The following LRRC7 variants were observed in gnomAD, a reference collection of about 807,000 sequenced individuals.
LRRC7 encodes leucine-rich repeat-containing protein 7.
A neutral mutation model predicts 175.7 loss-of-function variants in LRRC7; 23 were observed. The ratio of observed to expected loss-of-function variants is 0.13; its 90% CI spans 0.09 to 0.19. LRRC7 has a LOEUF of 0.19. Ranked by LOEUF, LRRC7 falls within the 10% of genes least tolerant of loss-of-function variation. The pLI is 1.00. For synonymous variants in LRRC7, 685 were observed against 680.9 expected (o/e 1.01, Z -0.09); for missense variants, 1,354 against 1,904.7 (o/e 0.71, Z 5.38).
chr1:69,595,139 AG>A (rs1342429474), intron 1 of LRRC7, among the ~76,000 whole-genome samples: 2 of 152,156 alleles, frequency 1.3e-5, no homozygotes, highest in Non-Finnish European at 2.9e-5. Context: ...CTTCAAATGA[AG>A]AAACTAAGAC....
At chr1:69,616,559 T>A (rs946610751) in intron 1 of LRRC7, among the ~76,000 whole-genome samples, 2 of 152,074 alleles carry the variant, frequency 1.3e-5, no homozygotes, top group Admixed American at 6.6e-5. Context: ...AAATGTTTCT[T>A]TCCAATGGCT....
intron 4 of LRRC7, among the ~76,000 whole-genome samples, chr1:69,823,541 GA>G (rs71736470): frequency 1.3e-5 from 2 of 151,840 alleles, no homozygotes; most frequent in African/African-American, 2.4e-5. Context: ...GTGTGTGTGG[GA>G]AAAAAAGTGT....
chr1:69,809,870 A>T (rs1180285546), intron 4 of LRRC7, among the ~76,000 whole-genome samples: 1 of 152,112 alleles, frequency 6.6e-6, no homozygotes, highest in Non-Finnish European at 1.5e-5. Flanking sequence ...ACAAGACAAG[A>T]ATGCCCTCTC....
chr1:69,985,679 T>C (rs1260606968), intron 9 of LRRC7, among the ~76,000 whole-genome samples: 1 of 152,220 alleles, frequency 6.6e-6, no homozygotes. Context: ...CTCAACTTTC[T>C]ATCTCTATGG....
chr1:69,823,896 A>G (rs1679594735), intron 4 of LRRC7, among the ~76,000 whole-genome samples: 1 of 152,166 alleles, frequency 6.6e-6, no homozygotes, highest in African/African-American at 2.4e-5. Context: ...GGGAGTTTAA[A>G]AGACTTGCCT....
intron 1 of LRRC7, among the ~76,000 whole-genome samples, chr1:69,606,239 T>C (rs1647543636): frequency 6.6e-6 from 1 of 152,124 alleles, no homozygotes; most frequent in African/African-American, 2.4e-5. Flanking sequence ...AGCATATCTT[T>C]AGAGCTGGTT....
At position 70,137,285 on chromosome 1, in the gene LRRC7, G is replaced by C. The variant is rs1205453092; in HGVS notation, c.*15398G>C. Among the ~76,000 whole-genome samples the C allele has an allele frequency of 6.6e-6, 1 of 152,150 alleles. No homozygotes were observed. Among genetic ancestry groups the C allele is most frequent in the Non-Finnish European group, 1.5e-5 (1 of 68,024 alleles). On this transcript the variant is annotated 3_prime_UTR_variant, in exon 27 of 27. Transcript: ENST00000651989. Reference sequence around the variant, plus strand: ...GGTCAAAGTCAGAGGGGGCTTGCTGGAATCAAGGGCAGCTCCTCCTTTCTG... The same window carrying C: ...GGTCAAAGTCAGAGGGGGCTTGCTGCAATCAAGGGCAGCTCCTCCTTTCTG...
intron 7 of LRRC7, chr1:69,919,424 A>G: frequency 9.1e-6 from 8 of 874,846 alleles, no homozygotes; most frequent in South Asian, 4.6e-5. Flanking sequence ...GGCCGAGGGT[A>G]CTACTTCAAC....
Position 70,043,997 on chromosome 1 carries a change from C to G in LRRC7, c.4013C>G (p.Pro1338Arg). 1 of 1,613,238 alleles carries G rather than the reference C, an allele frequency of 6.2e-7. No homozygotes were observed. Among genetic ancestry groups the G allele is most frequent in the African/African-American group, 1.3e-5 (1 of 74,998 alleles). The change falls in exon 22 of 27, where the codon CCC becomes CGC. Residue 1338 changes from proline (P) to arginine (R), a missense_variant. By Grantham distance (103) the Pro-to-Arg change is moderately radical. This residue lies in a region of LRRC7 where 1,032 missense variants were observed against 1,227.2 expected (regional missense o/e 0.84). Coordinates refer to ENST00000651989, the MANE Select transcript of LRRC7 (RefSeq NM_001370785.2). The part of the protein sequence containing the change: ...KHNTVNLGML[P>R]YGGISAMHAG... ...AATACAGTTAACCTTGGCATGCTGC[C>G]CTATGGAGGTATTTCAGCAATGCAT...
At chr1:70,098,158 C>A (rs1435805948) in intron 25 of LRRC7, among the ~76,000 whole-genome samples, 1 of 152,146 alleles carries the variant, frequency 6.6e-6, no homozygotes, top group Non-Finnish European at 1.5e-5. Flanking sequence ...GCCATTCTAC[C>A]TGGTGTGAGA....
chr1:69,812,033 G>C (rs1485260075), intron 4 of LRRC7, among the ~76,000 whole-genome samples: 1 of 152,050 alleles, frequency 6.6e-6, no homozygotes, highest in Non-Finnish European at 1.5e-5. Context: ...ACTCAAAAAA[G>C]CCAGAAAGTT....
intron 8 of LRRC7, among the ~76,000 whole-genome samples, chr1:69,977,053 T>TA (rs1473615905): frequency 6.6e-6 from 1 of 152,126 alleles, no homozygotes; most frequent in Non-Finnish European, 1.5e-5. Context: ...TCCACCCCAA[T>TA]ACTCTGCATC....
chr1:69,689,303 T>A (rs976668275), intron 2 of LRRC7, among the ~76,000 whole-genome samples: 1 of 152,186 alleles, frequency 6.6e-6, no homozygotes, highest in African/African-American at 2.4e-5. Flanking sequence ...CAACGTCACA[T>A]AGCTAGTAAG....
intron 4 of LRRC7, among the ~76,000 whole-genome samples, chr1:69,806,127 G>A (rs1011780910): frequency 3.3e-5 from 5 of 151,872 alleles, no homozygotes; most frequent in Non-Finnish European, 5.9e-5. Flanking sequence ...AAGAATGAAC[G>A]TTACCTTGTT....
chr1:69,700,808 T>C (rs2100694852), intron 2 of LRRC7, among the ~76,000 whole-genome samples: 1 of 152,220 alleles, frequency 6.6e-6, no homozygotes, highest in Admixed American at 6.5e-5. Context: ...AATTACTATG[T>C]CCCCATTTCA....
At chr1:70,064,234 C>A (rs1661795726) in intron 23 of LRRC7, among the ~76,000 whole-genome samples, 1 of 151,892 alleles carries the variant, frequency 6.6e-6, no homozygotes, top group Non-Finnish European at 1.5e-5. Flanking sequence ...AATGGGAGAA[C>A]ATAGATTTTG....
chr1:69,982,650 A>G (rs1234339836), intron 9 of LRRC7, among the ~76,000 whole-genome samples: 1 of 152,204 alleles, frequency 6.6e-6, no homozygotes, highest in African/African-American at 2.4e-5. Flanking sequence ...AGTCTTTTAC[A>G]TAGTTCTATC....
chr1:69,847,857 A>G (rs1431268454), intron 7 of LRRC7, among the ~76,000 whole-genome samples: 1 of 152,154 alleles, frequency 6.6e-6, no homozygotes, highest in Non-Finnish European at 1.5e-5. Context: ...GCACATGTCA[A>G]TTTGAAAGTG....
At chr1:70,032,576 G>A (rs1483421610) in intron 18 of LRRC7, among the ~76,000 whole-genome samples, 1 of 152,052 alleles carries the variant, frequency 6.6e-6, no homozygotes, top group Non-Finnish European at 1.5e-5. Context: ...CAAGATACCT[G>A]TTCACCATCC....
Sources: allele counts gnomAD v4.1 joint callset (sites outside exome capture counted in the v4.1 genomes callset), GRCh38; gene constraint gnomAD v4.1.1; regional missense constraint gnomAD v4.1.1; transcripts MANE v1.5; gene names NCBI Gene and HGNC (gene_info 2026-07-23, HGNC 2026-07-21).